Variants in GMPS observed in about 807,000 individuals in gnomAD.
The protein encoded by GMPS is guanosine monophosphate synthase, also known as GMP synthase [glutamine-hydrolyzing].
Under a neutral mutation model 77.9 loss-of-function variants are expected in GMPS, and 15 were observed. That is an observed-to-expected ratio of 0.19 (90% CI 0.13 to 0.30). The LOEUF is 0.30. GMPS is among the 10% of genes least tolerant of loss of function. The pLI is 1.00. For synonymous variants in GMPS, 224 were observed against 275.9 expected (o/e 0.81, Z 1.86); for missense variants, 590 against 838.8 (o/e 0.70, Z 3.66).
chr3:155,929,047 T>C (rs1372395132), intron 12 of GMPS, among the ~76,000 whole-genome samples: 2 of 151,642 alleles, frequency 1.3e-5, no homozygotes, highest in Non-Finnish European at 2.9e-5. Context: ...TTTGGGTATA[T>C]ACCCAGTAAT....
chr3:155,931,518 A>G (rs1755617961), intron 12 of GMPS, among the ~76,000 whole-genome samples: 1 of 152,044 alleles, frequency 6.6e-6, no homozygotes, highest in Admixed American at 6.6e-5. Context: ...TACTTTATGT[A>G]TGTCTTAGCT....
rs2108131535 is a variant in GMPS, at chr3:155,925,361, G to A, written c.1555G>A (p.Val519Met). Reference protein sequence around the residue: ...AFLLPIKTVGVQGDCRSYSYV... With the variant: ...AFLLPIKTVGMQGDCRSYSYV... ...CTTGCTGCCAATTAAAACTGTAGGT[G>A]TGCAGGTGAGTTGTGTGAATTCATT... Residue 519 changes from valine (V) to methionine (M), a missense_variant, in exon 12 of 16, where the codon GTG becomes ATG. By Grantham distance (21) the Val-to-Met change is conservative. This residue lies in a region of GMPS where 89 missense variants were observed against 95.9 expected (regional missense o/e 0.93). Coordinates refer to ENST00000496455, the MANE Select transcript of GMPS (RefSeq NM_003875.3). The A allele has an allele frequency of 1.2e-6, 2 of 1,601,708 alleles. No homozygotes were observed. Among genetic ancestry groups the A allele is most frequent in the Non-Finnish European group, 1.7e-6 (2 of 1,174,198 alleles).
chr3:155,928,548 T>A (rs1004270446), intron 12 of GMPS, among the ~76,000 whole-genome samples: 18 of 151,824 alleles, frequency 1.2e-4, no homozygotes, highest in South Asian at 2.1e-4. Context: ...TTTTTTTTTT[T>A]ATTATACTTT....
chr3:155,873,230 A>G (rs1753945001), intron 1 of GMPS, among the ~76,000 whole-genome samples: 1 of 152,196 alleles, frequency 6.6e-6, no homozygotes, highest in Non-Finnish European at 1.5e-5. Flanking sequence ...CCTAAAAGCT[A>G]TGAAAGCATT....
chr3:155,905,675 G>A (rs1417219141), intron 4 of GMPS, among the ~76,000 whole-genome samples: 3 of 151,404 alleles, frequency 2.0e-5, no homozygotes. Flanking sequence ...AGCTGAAAAT[G>A]TTGATTACTA....
chr3:155,885,439 A>G (rs926044220), intron 1 of GMPS, among the ~76,000 whole-genome samples: 2 of 152,246 alleles, frequency 1.3e-5, no homozygotes, highest in Admixed American at 1.3e-4. Flanking sequence ...TTTAGGCAAC[A>G]TGAAACAGTT....
chr3:155,912,296 A>G (rs965615055), intron 7 of GMPS, among the ~76,000 whole-genome samples: 2 of 152,218 alleles, frequency 1.3e-5, no homozygotes, highest in Non-Finnish European at 2.9e-5. Flanking sequence ...GAGATGACAG[A>G]AGACAGATGG....
chr3:155,870,673 C>G lies in GMPS; in HGVS notation c.-198C>G. On this transcript the variant is annotated 5_prime_UTR_variant, in exon 1 of 16. Coordinates refer to ENST00000496455, the MANE Select transcript of GMPS (RefSeq NM_003875.3). Reference sequence around the variant, plus strand: ...GCAGCGTGCGCGCTGCTGGTCTTCTCTCCCGCGGCGCTGGGGCCCGCGCTC... The same window carrying G: ...GCAGCGTGCGCGCTGCTGGTCTTCTGTCCCGCGGCGCTGGGGCCCGCGCTC... 2.0e-6 allele frequency: 1 copy of G among 504,250 alleles called. No individual in the cohort carries two copies. The highest frequency in any genetic ancestry group is 2.6e-5 in the South Asian group (1 of 39,116). The allele number at this position is 504,250 out of a possible 1,614,324, so 31.2% of individuals were successfully genotyped here. A position where few individuals can be genotyped will look rare whatever the true frequency, so the allele number is the denominator to read the frequency against.
intron 13 of GMPS, among the ~76,000 whole-genome samples, chr3:155,933,171 G>A (rs1755669688): frequency 6.6e-6 from 1 of 152,002 alleles, no homozygotes; most frequent in African/African-American, 2.4e-5. Context: ...AAGCCTGGGC[G>A]ACAGAGCGAG....
chr3:155,875,137 C>G (rs1326524380), intron 1 of GMPS, among the ~76,000 whole-genome samples: 1 of 152,042 alleles, frequency 6.6e-6, no homozygotes, highest in Non-Finnish European at 1.5e-5. Flanking sequence ...AGGCTGGTCT[C>G]TAACCCTTGA....
At chr3:155,906,426 G>T (rs1361481387) in intron 5 of GMPS, among the ~76,000 whole-genome samples, 163 bp downstream of exon 5, 1 of 151,918 alleles carries the variant, frequency 6.6e-6, no homozygotes, top group African/African-American at 2.4e-5. Flanking sequence ...GTTATGAAGG[G>T]AATTTAATAA....
At position 155,903,898 on chromosome 3, in the gene GMPS, A is replaced by C. The variant is rs376876444; in HGVS notation, c.360A>C (p.Lys120Asn). 1 of 1,559,404 alleles carries C rather than the reference A, an allele frequency of 6.4e-7. No homozygotes were observed. The highest frequency in any genetic ancestry group is 8.8e-7 in the Non-Finnish European group (1 of 1,142,670). ...MNKVFGGTVH[K>N]KSVREDGVFN... Reference sequence around the variant, plus strand: ...AGGTATTTGGAGGTACTGTGCACAAAAAAAGTGTCAGAGAAGATGGAGTTT... The same window carrying C: ...AGGTATTTGGAGGTACTGTGCACAACAAAAGTGTCAGAGAAGATGGAGTTT... Residue 120 changes from lysine (K) to asparagine (N), a missense_variant, in exon 4 of 16, where the codon AAA (lysine) becomes AAC (asparagine). Around this residue, in one of 6 missense-constraint regions of GMPS, gnomAD observed 136 missense variants for 225.6 expected, o/e 0.60. Transcript: ENST00000496455.
intron 1 of GMPS, among the ~76,000 whole-genome samples, chr3:155,878,791 C>T (rs1377204171): frequency 6.6e-6 from 1 of 152,054 alleles, no homozygotes; most frequent in Non-Finnish European, 1.5e-5. Flanking sequence ...GCTGGAGAAC[C>T]TACCAAGCTG....
intron 1 of GMPS, among the ~76,000 whole-genome samples, chr3:155,889,351 G>A (rs1577505201): frequency 6.6e-6 from 1 of 152,096 alleles, no homozygotes; most frequent in Non-Finnish European, 1.5e-5. Flanking sequence ...GGGTTCATGG[G>A]GGTTAAACTC....
chr3:155,872,369 A>AT (rs745760068), intron 1 of GMPS, among the ~76,000 whole-genome samples: 3 of 152,222 alleles, frequency 2.0e-5, no homozygotes, highest in African/African-American at 7.2e-5. Flanking sequence ...TAAGGAGCAA[A>AT]TGTAAACCCC....
intron 15 of GMPS, among the ~76,000 whole-genome samples, chr3:155,936,978 G>A (rs960186973): frequency 1.1e-4 from 16 of 152,200 alleles, no homozygotes; most frequent in African/African-American, 2.7e-4. Context: ...AATAGCAAGT[G>A]AAAATCAAAG....
intron 2 of GMPS, 83 bp downstream of exon 2, chr3:155,893,782 T>A: frequency 1.4e-6 from 1 of 714,690 alleles, no homozygotes; most frequent in Non-Finnish European, 2.1e-6. Context: ...GAGCACTGAA[T>A]TTTTCTACGA....
At chr3:155,879,269 T>C (rs572925553) in intron 1 of GMPS, among the ~76,000 whole-genome samples, 64 of 141,280 alleles carry the variant, frequency 4.5e-4, no homozygotes, top group Non-Finnish European at 7.3e-4. Context: ...ACTTGTCTTT[T>C]TTTTTTTTTT....
Position 155,893,680 on chromosome 3 carries a change from A to G in GMPS, c.190A>G (p.Ile64Val), listed in dbSNP as rs1406844163. 2.5e-6 allele frequency: 4 copies of G among 1,603,654 alleles called. No homozygotes were observed. The highest frequency in any genetic ancestry group is 2.6e-6 in the Non-Finnish European group (3 of 1,172,312). ...CCCCTTGGAAACACCAGCATTTGCT[A>G]TAAAGGAACAAGGATTCCGGTAGAC... is the stretch of plus-strand genomic sequence containing the variant. ...IFPLETPAFA[I>V]KEQGFRAIII... Residue 64 changes from isoleucine (I) to valine (V), a missense_variant, in exon 2 of 16, where the codon ATA becomes GTA. By Grantham distance (29) the Ile-to-Val change is conservative. Transcript: ENST00000496455.
Sources: allele counts gnomAD v4.1 joint callset (sites outside exome capture counted in the v4.1 genomes callset), GRCh38; gene constraint gnomAD v4.1.1; regional missense constraint gnomAD v4.1.1; transcripts MANE v1.5; gene names NCBI Gene and HGNC (gene_info 2026-07-23, HGNC 2026-07-21).